The following ABTB3 variants were observed in gnomAD, a reference collection of about 807,000 sequenced individuals.
ABTB3 encodes ankyrin repeat and BTB domain containing 3.
At chr12:107,615,102 G>C in the ABTB3 span, 2 of 1,614,028 alleles carry the variant, frequency 1.2e-6, no homozygotes, top group Non-Finnish European at 1.7e-6. Flanking sequence ...TCCACCCCGA[G>C]ACCCGCCATT....
At chr12:107,650,474 G>A in the ABTB3 span, 1 of 152,200 alleles carries the variant, frequency 6.6e-6, no homozygotes, top group Admixed American at 6.5e-5. Flanking sequence ...CTCCTCTGAT[G>A]GTTTTAGTCT....
the ABTB3 span, among the ~76,000 whole-genome samples, chr12:107,385,794 C>A: frequency 6.6e-6 from 1 of 152,188 alleles, no homozygotes; most frequent in African/African-American, 2.4e-5. Context: ...AATGGGCGTT[C>A]TCTGGCATTT....
the ABTB3 span, among the ~76,000 whole-genome samples, chr12:107,508,446 T>C: frequency 7.0e-5 from 6 of 86,070 alleles, no homozygotes; most frequent in Admixed American, 7.0e-4. Flanking sequence ...TTCTTTTTTT[T>C]TTTTTTTTTT....
the ABTB3 span, among the ~76,000 whole-genome samples, chr12:107,400,760 C>T: frequency 3.3e-5 from 5 of 152,038 alleles, no homozygotes; most frequent in Admixed American, 6.5e-5. Flanking sequence ...AGAGTGCTAC[C>T]TGAGTGAAGT....
At chr12:107,348,227 A>G in the ABTB3 span, among the ~76,000 whole-genome samples, 1 of 152,158 alleles carries the variant, frequency 6.6e-6, no homozygotes, top group Non-Finnish European at 1.5e-5. Context: ...ATGTATTTAC[A>G]TATGTATATA....
At chr12:107,423,315 T>C in the ABTB3 span, among the ~76,000 whole-genome samples, 6 of 152,242 alleles carry the variant, frequency 3.9e-5, no homozygotes, top group Non-Finnish European at 7.3e-5. Flanking sequence ...AGAACTACAA[T>C]GTGCTTGATA....
At chr12:107,623,497 G>T in the ABTB3 span, among the ~76,000 whole-genome samples, 3 of 150,854 alleles carry the variant, frequency 2.0e-5, no homozygotes, top group East Asian at 5.9e-4. Context: ...CTCCCTAGTA[G>T]CTGGGATTAC....
the ABTB3 span, among the ~76,000 whole-genome samples, chr12:107,449,879 C>A: frequency 6.6e-6 from 1 of 152,090 alleles, no homozygotes; most frequent in African/African-American, 2.4e-5. Flanking sequence ...TGGCTTCAAG[C>A]AATCCTCCTG....
At chr12:107,607,816 G>C in the ABTB3 span, among the ~76,000 whole-genome samples, 1 of 152,188 alleles carries the variant, frequency 6.6e-6, no homozygotes, top group South Asian at 2.1e-4. Flanking sequence ...TGAGTGATGT[G>C]TCAGATGAGT....
chr12:107,546,730 T>C, the ABTB3 span, among the ~76,000 whole-genome samples: 2 of 151,826 alleles, frequency 1.3e-5, no homozygotes, highest in African/African-American at 4.8e-5. Context: ...CCAGGTGTGG[T>C]GGCACACACC....
the ABTB3 span, among the ~76,000 whole-genome samples, chr12:107,355,870 T>C: frequency 6.6e-6 from 1 of 152,200 alleles, no homozygotes; most frequent in Admixed American, 6.5e-5. Flanking sequence ...TTTCATCTAC[T>C]ACCAGTGTGC....
At chr12:107,323,428 G>A in the ABTB3 span, among the ~76,000 whole-genome samples, 826 of 152,326 alleles carry the variant, frequency 5.4e-3, 7 homozygotes, top group African/African-American at 0.019. Flanking sequence ...GCAAAAGAAG[G>A]CTTAGGGGCT....
the ABTB3 span, among the ~76,000 whole-genome samples, chr12:107,477,149 A>G: frequency 2.0e-5 from 3 of 152,120 alleles, no homozygotes; most frequent in Non-Finnish European, 4.4e-5. Context: ...GTGCGCATGC[A>G]TTGGAGGATT....
the ABTB3 span, among the ~76,000 whole-genome samples, chr12:107,520,997 A>G: frequency 6.6e-6 from 1 of 152,192 alleles, no homozygotes; most frequent in Non-Finnish European, 1.5e-5. Flanking sequence ...ACAAACAGAG[A>G]AGGAGATTCT....
At chr12:107,467,040 C>G in the ABTB3 span, among the ~76,000 whole-genome samples, 1 of 152,096 alleles carries the variant, frequency 6.6e-6, no homozygotes, top group Non-Finnish European at 1.5e-5. Context: ...CTCACAGTGT[C>G]TTTGAGGAGG....
At chr12:107,613,504 C>G in the ABTB3 span, among the ~76,000 whole-genome samples, 1 of 152,064 alleles carries the variant, frequency 6.6e-6, no homozygotes, top group Non-Finnish European at 1.5e-5. Context: ...AGTTCTGATA[C>G]CACCGCTGCC....
At chr12:107,395,476 A>T in the ABTB3 span, among the ~76,000 whole-genome samples, 1 of 152,092 alleles carries the variant, frequency 6.6e-6, no homozygotes, top group Non-Finnish European at 1.5e-5. Flanking sequence ...TGCTGTGTGC[A>T]CCCCTATCCA....
the ABTB3 span, among the ~76,000 whole-genome samples, chr12:107,408,107 T>C: frequency 6.6e-6 from 1 of 152,124 alleles, no homozygotes; most frequent in South Asian, 2.1e-4. Context: ...TTCTCTACAA[T>C]AAAACCCCAA....
the ABTB3 span, among the ~76,000 whole-genome samples, chr12:107,586,760 A>G: frequency 1.3e-5 from 2 of 152,116 alleles, no homozygotes; most frequent in Non-Finnish European, 2.9e-5. Context: ...ACATGTATGG[A>G]GCACCTGCTG....
Sources: allele counts gnomAD v4.1 joint callset (sites outside exome capture counted in the v4.1 genomes callset), GRCh38; gene constraint gnomAD v4.1.1; transcripts MANE v1.5; gene names NCBI Gene and HGNC (gene_info 2026-07-23, HGNC 2026-07-21).